Variants in CDH12 observed in about 807,000 individuals in gnomAD.
The protein encoded by CDH12 is cadherin-12.
CDH12 carries 41 observed loss-of-function variants against 74.1 expected under a neutral mutation model. That is an observed-to-expected ratio of 0.55 (90% CI 0.43 to 0.72). The LOEUF (loss-of-function observed/expected upper bound fraction) is 0.72, where lower values mean the gene tolerates loss of function less well. CDH12 is among the 30% of genes least tolerant of loss of function. CDH12 has a pLI of 0.00. For missense variants in CDH12, 945 were observed against 977.2 expected, an observed-to-expected ratio of 0.97 and a Z score of 0.44; for synonymous variants, 399 against 355.0, an observed-to-expected ratio of 1.12 and a Z score of -1.39.
At chr5:22,209,969 T>C (rs1751436617) in intron 4 of CDH12, among the ~76,000 whole-genome samples, 1 of 151,278 alleles carries the variant, frequency 6.6e-6, no homozygotes, top group South Asian at 2.1e-4. Context: ...CAGTTACATA[T>C]GCTCTCTCAG....
intron 3 of CDH12, among the ~76,000 whole-genome samples, chr5:22,311,047 T>A (rs1738366408): frequency 6.6e-6 from 1 of 152,238 alleles, no homozygotes; most frequent in Non-Finnish European, 1.5e-5. Context: ...TACTATTTTA[T>A]ATTTACTTTA....
intron 5 of CDH12, among the ~76,000 whole-genome samples, chr5:22,054,637 T>C (rs1283062308): frequency 1.3e-5 from 2 of 152,138 alleles, no homozygotes; most frequent in Admixed American, 6.6e-5. Context: ...CTTTCTTTTA[T>C]CTATCTCATC....
chr5:21,863,842 C>G (rs892197516), intron 6 of CDH12, among the ~76,000 whole-genome samples: 1 of 152,086 alleles, frequency 6.6e-6, no homozygotes, highest in African/African-American at 2.4e-5. Context: ...ATGAACGTTT[C>G]TCAGAACTGA....
At chr5:22,376,277 T>C (rs145444495) in intron 3 of CDH12, among the ~76,000 whole-genome samples, 17 of 152,002 alleles carry the variant, frequency 1.1e-4, no homozygotes, top group East Asian at 5.8e-4. Flanking sequence ...AATAGAAAGA[T>C]AGATGCAAGA....
intron 1 of CDH12, among the ~76,000 whole-genome samples, chr5:22,739,914 T>C (rs1468012386): frequency 6.6e-6 from 1 of 152,076 alleles, no homozygotes; most frequent in East Asian, 1.9e-4. Flanking sequence ...TAAAATGGGG[T>C]ACATTATGTT....
intron 5 of CDH12, among the ~76,000 whole-genome samples, chr5:22,064,199 G>C (rs1167593574): frequency 6.6e-6 from 1 of 152,108 alleles, no homozygotes; most frequent in East Asian, 1.9e-4. Context: ...CACATATCTG[G>C]AAGATTGACT....
chr5:22,119,911 A>G (rs1745405170), intron 4 of CDH12, among the ~76,000 whole-genome samples: 1 of 152,204 alleles, frequency 6.6e-6, no homozygotes, highest in Admixed American at 6.5e-5. Context: ...AAGGATGCTA[A>G]TAAAAACTTC....
At position 21,880,501 on chromosome 5, in the gene CDH12, T is replaced by TCCTTCCTC. The variant is rs1468584598; in HGVS notation, c.527-25712_527-25711insGAGGAAGG. On this transcript the variant is annotated intron_variant, in intron 6 of 14. Coordinates refer to ENST00000382254, the MANE Select transcript of CDH12 (RefSeq NM_004061.5). ...TTCCTTCCTTCCTTCCTTCCTTCCTTCCTCCCTCCCTCCCTCTTTTCTTTC... is the reference window on the plus strand; with the variant it reads ...TTCCTTCCTTCCTTCCTTCCTTCCTTCCTTCCTCCCTCCCTCCCTCCCTCTTTTCTTTC... Among the ~76,000 whole-genome samples, 155 of 25,456 alleles carry TCCTTCCTC rather than the reference T, an allele frequency of 6.1e-3. 10 individuals are homozygous for TCCTTCCTC. The South Asian group carries it at 0.079, about 13-fold the overall frequency. 16.7% of individuals were successfully genotyped at this position (25,456 alleles called of 152,430 possible).
chr5:21,782,311 T>G (rs1190330575), intron 11 of CDH12, among the ~76,000 whole-genome samples: 1 of 152,210 alleles, frequency 6.6e-6, no homozygotes, highest in Non-Finnish European at 1.5e-5. Flanking sequence ...TAGACTTACT[T>G]TTAATAATCA....
At chr5:22,608,976 C>T (rs1015001991) in intron 1 of CDH12, among the ~76,000 whole-genome samples, 1 of 152,104 alleles carries the variant, frequency 6.6e-6, no homozygotes, top group Non-Finnish European at 1.5e-5. Context: ...AAGCAGGGAA[C>T]AAGGGAACCT....
intron 9 of CDH12, among the ~76,000 whole-genome samples, chr5:21,803,260 CT>C (rs943148346): frequency 1.3e-5 from 2 of 151,946 alleles, no homozygotes; most frequent in South Asian, 2.1e-4. Flanking sequence ...ATGTCTAGAT[CT>C]TTTTTTATTT....
intron 2 of CDH12, among the ~76,000 whole-genome samples, chr5:22,405,614 G>T (rs1376450915): frequency 6.6e-6 from 1 of 152,164 alleles, no homozygotes; most frequent in East Asian, 1.9e-4. Flanking sequence ...GGCAGAATGA[G>T]AAATAAAATG....
chr5:22,321,526 G>A (rs1295105200), intron 3 of CDH12, among the ~76,000 whole-genome samples: 13 of 141,776 alleles, frequency 9.2e-5, no homozygotes, highest in African/African-American at 3.5e-4. Flanking sequence ...GATAGCATTG[G>A]GAGATATACC....
chr5:22,807,392 T>C (rs527558048), intron 1 of CDH12, among the ~76,000 whole-genome samples: 2 of 152,328 alleles, frequency 1.3e-5, no homozygotes, highest in South Asian at 4.1e-4. Context: ...CCGTATATCA[T>C]ACCCAATTAA....
intron 10 of CDH12, among the ~76,000 whole-genome samples, chr5:21,797,017 G>A (rs1248226838): frequency 1.3e-5 from 2 of 152,094 alleles, no homozygotes; most frequent in Non-Finnish European, 2.9e-5. Flanking sequence ...GCATCAAAAG[G>A]CGAAGGCTAG....
intron 1 of CDH12, among the ~76,000 whole-genome samples, chr5:22,748,528 T>G (rs1745403344): frequency 6.6e-6 from 1 of 152,202 alleles, no homozygotes; most frequent in Admixed American, 6.5e-5. Flanking sequence ...AGATGTATTT[T>G]GTTTTCTTCT....
At chr5:22,393,385 C>G (rs1052316338) in intron 3 of CDH12, among the ~76,000 whole-genome samples, 3 of 152,100 alleles carry the variant, frequency 2.0e-5, no homozygotes, top group Admixed American at 2.0e-4. Context: ...CTTGCTGACA[C>G]TTCGATTTAA....
chr5:22,454,247 A>G (rs1314024533), intron 2 of CDH12, among the ~76,000 whole-genome samples: 1 of 152,210 alleles, frequency 6.6e-6, no homozygotes, highest in Non-Finnish European at 1.5e-5. Context: ...TAATTTCTAC[A>G]TTAAACTAAC....
chr5:22,337,277 A>G (rs1739632752), intron 3 of CDH12, among the ~76,000 whole-genome samples: 1 of 152,142 alleles, frequency 6.6e-6, no homozygotes, highest in African/African-American at 2.4e-5. Flanking sequence ...AGACTTTGGA[A>G]TATGGACTTT....
Sources: gnomAD v4.1 joint callset for allele counts (sites outside exome capture counted in the v4.1 genomes callset) on GRCh38, gnomAD v4.1.1 for gene constraint, MANE v1.5 for transcripts, NCBI Gene and HGNC (gene_info 2026-07-23, HGNC 2026-07-21) for gene names.